The following GPC5 variants were observed in gnomAD, a reference collection of about 807,000 sequenced individuals.
GPC5 encodes the protein glypican-5.
Under a neutral mutation model 53.9 loss-of-function variants are expected in GPC5, and 47 were observed. That is an observed-to-expected ratio of 0.87 (90% CI 0.69 to 1.11). The LOEUF is 1.11. Among genes scored for constraint, GPC5 ranks in the 50% most tolerant of loss-of-function variants. GPC5 has a pLI of 0.00. For synonymous variants in GPC5, 286 were observed against 263.3 expected (o/e 1.09, Z -0.84); for missense variants, 748 against 713.1 (o/e 1.05, Z -0.56).
chr13:92,006,566 T>A (rs1301696868), intron 6 of GPC5, among the ~76,000 whole-genome samples: 1 of 152,182 alleles, frequency 6.6e-6, no homozygotes, highest in East Asian at 1.9e-4. Context: ...ATTTCTCTCC[T>A]AATGTCGATT....
rs918028840 is a variant in GPC5 at position 91,759,451 on chromosome 13, A to G, written c.1280+3031A>G. On this transcript the variant is annotated intron_variant, in intron 5 of 7. Coordinates refer to ENST00000377067, the MANE Select transcript of GPC5 (RefSeq NM_004466.6). Reference sequence around the variant, plus strand: ...TTGACTGTAGTCATCCTGTTGTGCTATCTAATACTAGATTTTACTCATTCT... The same window carrying G: ...TTGACTGTAGTCATCCTGTTGTGCTGTCTAATACTAGATTTTACTCATTCT... 3.9e-4 allele frequency among the ~76,000 whole-genome samples: 60 copies of G among 152,186 alleles called. 1 individual carries two copies. Among genetic ancestry groups the G allele is most frequent in the Admixed American group, 1.1e-3 (17 of 15,270 alleles).
chr13:92,588,547 T>G (rs1594326538), intron 7 of GPC5, among the ~76,000 whole-genome samples: 1 of 152,238 alleles, frequency 6.6e-6, no homozygotes, highest in South Asian at 2.1e-4. Context: ...CCTATCCAGA[T>G]AGCTATGAGC....
intron 7 of GPC5, among the ~76,000 whole-genome samples, chr13:92,728,515 G>T (rs564130977): frequency 6.6e-6 from 1 of 151,186 alleles, no homozygotes; most frequent in Non-Finnish European, 1.5e-5. Context: ...ATTTCAGAAC[G>T]CATCCAACAT....
intron 1 of GPC5, among the ~76,000 whole-genome samples, chr13:91,403,843 A>C (rs1202276031): frequency 6.6e-6 from 1 of 152,192 alleles, no homozygotes; most frequent in Admixed American, 6.5e-5. Flanking sequence ...CAGGTGCTGA[A>C]CTATACTGAT....
intron 6 of GPC5, among the ~76,000 whole-genome samples, chr13:92,007,879 T>C (rs2040621867): frequency 4.6e-5 from 7 of 152,130 alleles, no homozygotes. Context: ...TCTCCCTTTA[T>C]GCCATGTACA....
intron 7 of GPC5, among the ~76,000 whole-genome samples, chr13:92,646,364 G>A (rs1885767693): frequency 6.6e-6 from 1 of 151,648 alleles, no homozygotes; most frequent in Non-Finnish European, 1.5e-5. Flanking sequence ...TCTATAATCT[G>A]TTCCATTGAT....
intron 6 of GPC5, among the ~76,000 whole-genome samples, chr13:92,041,010 C>T (rs1213819675): frequency 1.3e-5 from 2 of 152,032 alleles, no homozygotes; most frequent in Non-Finnish European, 2.9e-5. Context: ...GCCACCACAC[C>T]CGGATAATTT....
intron 7 of GPC5, among the ~76,000 whole-genome samples, chr13:92,157,140 A>G (rs964310434): frequency 6.6e-6 from 1 of 152,220 alleles, no homozygotes; most frequent in African/African-American, 2.4e-5. Context: ...TTTGTACCAT[A>G]ATTTCATATC....
intron 7 of GPC5, among the ~76,000 whole-genome samples, chr13:92,411,300 A>G (rs1876033506): frequency 6.6e-6 from 1 of 152,142 alleles, no homozygotes; most frequent in Admixed American, 6.6e-5. Context: ...TGCTTACTTG[A>G]GATATGGATA....
chr13:91,608,718 T>C (rs1311207410), intron 2 of GPC5, among the ~76,000 whole-genome samples: 1 of 152,104 alleles, frequency 6.6e-6, no homozygotes, highest in Admixed American at 6.5e-5. Flanking sequence ...GAAAATGTTA[T>C]AATTAAATAG....
rs1482922848 is a variant in GPC5, at chr13:92,552,482, G to A, written c.1562-313800G>A. 4.0e-5 allele frequency among the ~76,000 whole-genome samples: 6 copies of A among 151,852 alleles called. No individual in the cohort carries two copies. In the East Asian group the frequency reaches 1.2e-3, roughly 29 times the overall value. On this transcript the variant is annotated intron_variant, in intron 7 of 7. Transcript: ENST00000377067. ...AAACTAAGTTACTTTGTAAGGGGAA[G>A]ATAAATGGAAAAAAATAGCTTAAAG...
chr13:91,494,367 T>C (rs1884130154), intron 2 of GPC5, among the ~76,000 whole-genome samples: 1 of 148,368 alleles, frequency 6.7e-6, no homozygotes, highest in Non-Finnish European at 1.5e-5. Flanking sequence ...TTATTATTAT[T>C]ATTTTACTTC....
chr13:91,920,926 CTTTTTTTTTTTTTTT>C (rs869309251), intron 6 of GPC5, among the ~76,000 whole-genome samples: 4 of 32,164 alleles, frequency 1.2e-4, no homozygotes, highest in African/African-American at 4.9e-4. Flanking sequence ...CTCTCTCTCT[CTTTTTTTTTTTTTTT>C]TTTTTTTTTT....
intron 7 of GPC5, among the ~76,000 whole-genome samples, chr13:92,699,922 G>A (rs1887674348): frequency 6.6e-6 from 1 of 152,126 alleles, no homozygotes; most frequent in Non-Finnish European, 1.5e-5. Context: ...GGAGTGGAGA[G>A]ATCTGTAGAT....
chr13:92,787,680 A>AAAG (rs1479536752), intron 7 of GPC5, among the ~76,000 whole-genome samples: 19 of 148,786 alleles, frequency 1.3e-4, no homozygotes, highest in African/African-American at 4.2e-4. Flanking sequence ...AAAAAAAAAA[A>AAAG]AAAGAAAAGA....
At chr13:91,914,071 A>G (rs574780611) in intron 6 of GPC5, among the ~76,000 whole-genome samples, 2 of 152,252 alleles carry the variant, frequency 1.3e-5, no homozygotes, top group East Asian at 1.9e-4. Context: ...TGGTCATATT[A>G]TGTTTGTTTA....
chr13:91,617,918 T>C (rs1223077574), intron 2 of GPC5, among the ~76,000 whole-genome samples: 1 of 152,120 alleles, frequency 6.6e-6, no homozygotes, highest in Non-Finnish European at 1.5e-5. Context: ...GCATCGCTGA[T>C]TTCCAATAAA....
intron 2 of GPC5, among the ~76,000 whole-genome samples, chr13:91,648,972 G>A (rs2034630048): frequency 6.6e-6 from 1 of 152,156 alleles, no homozygotes; most frequent in African/African-American, 2.4e-5. Context: ...TGTCATGGGA[G>A]GGACCCAGTG....
At chr13:92,706,824 G>A (rs1365389946) in intron 7 of GPC5, among the ~76,000 whole-genome samples, 1 of 152,118 alleles carries the variant, frequency 6.6e-6, no homozygotes, top group Non-Finnish European at 1.5e-5. Context: ...GAATGTTTGT[G>A]TCCCTGCAAA....
Sources: gnomAD v4.1 joint callset for allele counts (sites outside exome capture counted in the v4.1 genomes callset) on GRCh38, gnomAD v4.1.1 for gene constraint, MANE v1.5 for transcripts, NCBI Gene and HGNC (gene_info 2026-07-23, HGNC 2026-07-21) for gene names.